The following NOTCH1 variants were observed in gnomAD, a reference collection of about 807,000 sequenced individuals.
The protein encoded by NOTCH1 is notch receptor 1.
A neutral mutation model predicts 254.8 loss-of-function variants in NOTCH1; 37 were observed. The observed-to-expected ratio is 0.15, with a 90% CI of 0.11 to 0.19. The LOEUF is 0.19. Ranked by LOEUF, NOTCH1 falls within the 10% of genes least tolerant of loss-of-function variation. The pLI, the probability that NOTCH1 is intolerant of heterozygous loss-of-function variation, is 1.00. For synonymous variants in NOTCH1, 1,731 were observed against 1,618.1 expected (o/e 1.07, Z -1.68); for missense variants, 2,972 against 3,708.6 (o/e 0.80, Z 5.16).
At position 136,497,021 on chromosome 9, in the gene NOTCH1, T is replaced by G; in HGVS notation, c.6718A>C (p.Thr2240Pro). 1 of 1,609,442 alleles carries G rather than the reference T, an allele frequency of 6.2e-7. No individual in the cohort carries two copies. Residue 2240 changes from threonine (T) to proline (P), a missense_variant, in exon 34 of 34, where the codon ACC becomes CCC. Thr to Pro is a conservative substitution (Grantham distance 38, BLOSUM62 -1). Around this residue, in one of 8 missense-constraint regions of NOTCH1, gnomAD observed 529 missense variants for 529.2 expected, o/e 1.00. Transcript: ENST00000651671. ...PLNHLPGMPD[T>P]HLGIGHLNVA... is the part of the protein sequence containing the mutation. ...TTCAGGTGCCCGATGCCCAGGTGGG[T>G]GTCGGGCATCCCAGGCAGGTGGTTG...
rs1247959564 is a variant in NOTCH1, at chr9:136,495,576, G to A, written c.*495C>T. 2.5e-6 allele frequency: 1 copy of A among 400,308 alleles called. No individual in the cohort carries two copies. The highest frequency in any genetic ancestry group is 4.4e-6 in the Non-Finnish European group (1 of 227,186). The allele number at this position is 400,308 out of a possible 1,614,324, so 24.8% of individuals were successfully genotyped here. ...CTCCTAACAGGCAGGTGATGCTGGT[G>A]GAGCGGCCGGGCTGGCTTGGGGTTG... is the stretch of plus-strand genomic sequence containing the variant. On this transcript the variant is annotated 3_prime_UTR_variant, in exon 34 of 34. Transcript: ENST00000651671.
rs1842917839 is a variant in NOTCH1, at chr9:136,496,541, C to T, written c.7198G>A (p.Ala2400Thr). ...AGGCTTTGCTGCTGCTGGATGTTTGCTGGCTGCAGGTTCTGCTGCTGCATC... is the reference window on the plus strand; with the variant it reads ...AGGCTTTGCTGCTGCTGGATGTTTGTTGGCTGCAGGTTCTGCTGCTGCATC... ...LQMQQQNLQPANIQQQQSLQP... is the reference protein window; with the variant it reads ...LQMQQQNLQPTNIQQQQSLQP... The change falls in exon 34 of 34, where the codon GCA (alanine) becomes ACA (threonine). Residue 2400 changes from alanine to threonine, a missense_variant. Physicochemically the swap from Ala to Thr is moderately conservative, Grantham distance 58 (BLOSUM62 0). Coordinates refer to ENST00000651671, the MANE Select transcript of NOTCH1 (RefSeq NM_017617.5). 1.9e-6 allele frequency: 3 copies of T among 1,608,356 alleles called. No individual in the cohort carries two copies. The highest frequency in any genetic ancestry group is 2.2e-5 in the East Asian group (1 of 44,870).
rs61751547 is a variant in NOTCH1, at chr9:136,510,669, G to C, written c.2724C>G (p.Ile908Met). Residue 908 changes from isoleucine (I) to methionine (M), a missense_variant, in exon 17 of 34, where the codon ATC becomes ATG. Around this residue, in one of 8 missense-constraint regions of NOTCH1, gnomAD observed 1,343 missense variants for 1,557.0 expected, o/e 0.86. Coordinates refer to ENST00000651671, the MANE Select transcript of NOTCH1 (RefSeq NM_017617.5). ...GYSGRNCETD[I>M]DDCRPNPCHN... ...GCTACTCACTGGGCCGGCAGTCGTC[G>C]ATGTCGGTCTCGCAGTTGCGCCCAC... 6.2e-7 allele frequency: 1 copy of C among 1,607,952 alleles called. No individual in the cohort carries two copies. Among genetic ancestry groups the C allele is most frequent in the African/African-American group, 1.3e-5 (1 of 75,052 alleles).
intron 2 of NOTCH1, among the ~76,000 whole-genome samples, chr9:136,535,248 C>T (rs989572443): frequency 1.3e-5 from 2 of 151,894 alleles, no homozygotes; most frequent in African/African-American, 4.8e-5. Context: ...GGGCCAGGCC[C>T]CCAGGGTTCA....
intron 4 of NOTCH1, 59 bp from the exon 5 acceptor site, chr9:136,519,624 G>A: frequency 6.2e-7 from 1 of 1,610,820 alleles, no homozygotes. Context: ...CTCCTGCCTG[G>A]ACCCCCGACA....
At chr9:136,520,460 G>T (rs1007706973) in intron 4 of NOTCH1, among the ~76,000 whole-genome samples, 1 of 152,170 alleles carries the variant, frequency 6.6e-6, no homozygotes, top group Non-Finnish European at 1.5e-5. Context: ...CAGCCCTGGC[G>T]CGGTGGCTCA....
rs772467278 is a variant in NOTCH1 at position 136,502,263 on chromosome 9, T to C, written c.5384+9A>G. The C allele has an allele frequency of 6.4e-7, 1 of 1,560,578 alleles. No individual in the cohort carries two copies. The highest frequency in any genetic ancestry group is 8.7e-7 in the Non-Finnish European group (1 of 1,148,836). Reference sequence around the variant, plus strand: ...CGGGGACCCAGAAGCAGGGGCGGCGTCCGCTCACTTGAGGCCCACGGAGTC... The same window carrying C: ...CGGGGACCCAGAAGCAGGGGCGGCGCCCGCTCACTTGAGGCCCACGGAGTC... On this transcript the variant is annotated intron_variant, in intron 28 of 33. Coordinates refer to ENST00000651671, the MANE Select transcript of NOTCH1 (RefSeq NM_017617.5).
chr9:136,530,045 G>C (rs1019444769), intron 2 of NOTCH1, among the ~76,000 whole-genome samples: 1 of 152,240 alleles, frequency 6.6e-6, no homozygotes, highest in African/African-American at 2.4e-5. Flanking sequence ...GGGCAGTGGG[G>C]GCTTCAGGGA....
rs1307313338 is a variant in NOTCH1 at position 136,515,386 on chromosome 9, T to A, written c.1918A>T (p.Ile640Phe). ...LKGTTGPNCE[I>F]NLDDCASSPC... is the part of the protein sequence containing the mutation. ...CTGCTGGCACAGTCATCCAGGTTGA[T>A]CTCGCAGTTGGGTCCTGAAGGGGTG... is the stretch of plus-strand genomic sequence containing the variant. The change falls in exon 12 of 34, where the codon ATC becomes TTC. Residue 640 changes from isoleucine to phenylalanine, a missense_variant. Physicochemically the swap from Ile to Phe is conservative, Grantham distance 21. Transcript: ENST00000651671. The A allele has an allele frequency of 6.2e-7, 1 of 1,612,904 alleles. No homozygotes were observed. The highest frequency in any genetic ancestry group is 8.5e-7 in the Non-Finnish European group (1 of 1,179,950).
Position 136,505,859 on chromosome 9 carries a change from T to C in NOTCH1, c.4037A>G (p.Glu1346Gly). 6.3e-7 allele frequency: 1 copy of C among 1,594,174 alleles called. No homozygotes were observed. Among genetic ancestry groups the C allele is most frequent in the Non-Finnish European group, 8.5e-7 (1 of 1,177,904 alleles). Residue 1346 changes from glutamate (E) to glycine (G), a missense_variant, in exon 25 of 34, where the codon GAG becomes GGG. Coordinates refer to ENST00000651671, the MANE Select transcript of NOTCH1 (RefSeq NM_017617.5). ...GCTGCCGCAGGTACGAGCGTCATTCTCACACGTGGCGCCCTCGAAGCCCTG... is the reference window on the plus strand; with the variant it reads ...GCTGCCGCAGGTACGAGCGTCATTCCCACACGTGGCGCCCTCGAAGCCCTG... ...CPAGFEGATC[E>G]NDARTCGSLR...
chr9:136,510,692 C>T lies in NOTCH1; in HGVS notation c.2701G>A (p.Gly901Arg), dbSNP rs2133353056. The T allele has an allele frequency of 6.2e-7, 1 of 1,610,066 alleles. No individual in the cohort carries two copies. The highest frequency in any genetic ancestry group is 1.1e-5 in the South Asian group (1 of 91,046). Reference protein sequence around the residue: ...YRCHCQAGYSGRNCETDIDDC... With the variant: ...YRCHCQAGYSRRNCETDIDDC... ...TCGATGTCGGTCTCGCAGTTGCGCC[C>T]ACTGTAGCCGGCCTGGCAGTGGCAG... Residue 901 changes from glycine to arginine, a missense_variant, in exon 17 of 34, where the codon GGG becomes AGG. This residue lies in a region of NOTCH1 where 1,343 missense variants were observed against 1,557.0 expected (regional missense o/e 0.86). Coordinates refer to ENST00000651671, the MANE Select transcript of NOTCH1 (RefSeq NM_017617.5).
chr9:136,540,567 C>T lies in NOTCH1; in HGVS notation c.140+3457G>A, dbSNP rs1197338115. Among the ~76,000 whole-genome samples, 1 of 152,198 alleles carries T rather than the reference C, an allele frequency of 6.6e-6. No homozygotes were observed. The highest frequency in any genetic ancestry group is 1.9e-4 in the East Asian group (1 of 5,202). ...AAGGAGCGCTGACCAGGTGCCCTCT[C>T]CACACGGTTCTCATGCAATCCTCAC... On this transcript the variant is annotated intron_variant, in intron 2 of 33. Transcript: ENST00000651671. This position sits in a 1 kb window ranked among gnomAD's most constrained non-coding sequence, Gnocchi z 4.4.
intron 18 of NOTCH1, 25 bp from the exon 19 acceptor site, chr9:136,509,096 G>A (rs1227210731): frequency 1.9e-6 from 3 of 1,545,500 alleles, no homozygotes; most frequent in Non-Finnish European, 2.6e-6. Flanking sequence ...GCAGGCGGGG[G>A]CTGAGTGGAG....
chr9:136,499,846 C>T (rs559575126), intron 31 of NOTCH1, among the ~76,000 whole-genome samples: 3 of 152,210 alleles, frequency 2.0e-5, no homozygotes, highest in African/African-American at 7.2e-5. Context: ...CAAACCCGCA[C>T]GGGGCTCCCT....
Position 136,540,163 on chromosome 9 carries a change from G to A in NOTCH1, c.140+3861C>T, listed in dbSNP as rs533905722. ...AGCTATGCCAGGCCACCACCGGGCC[G>A]GCACACCCCCAACATGTCCCACATG... On this transcript the variant is annotated intron_variant, in intron 2 of 33. Transcript: ENST00000651671. This position sits in a 1 kb window ranked among gnomAD's most constrained non-coding sequence, Gnocchi z 4.4. 5.6e-4 allele frequency among the ~76,000 whole-genome samples: 86 copies of A among 152,290 alleles called. No homozygotes were observed. Among genetic ancestry groups the A allele is most frequent in the African/African-American group, 2.0e-3 (83 of 41,556 alleles).
Position 136,505,716 on chromosome 9 carries a change from C to T in NOTCH1, c.4180G>A (p.Gly1394Ser), listed in dbSNP as rs1210347209. Reference sequence around the variant, plus strand: ...GTCCCCTGGTTGTAGCAGGGGTTGCCGCCCAGGCAGGGGCTGCTGGCCGGG... The same window carrying T: ...GTCCCCTGGTTGTAGCAGGGGTTGCTGCCCAGGCAGGGGCTGCTGGCCGGG... ...QFPASSPCLG[G>S]NPCYNQGTCE... Residue 1394 changes from glycine (G) to serine (S), a missense_variant, in exon 25 of 34, where the codon GGC becomes AGC. Gly to Ser is a moderately conservative substitution (Grantham distance 56). This residue lies in a region of NOTCH1 where 1,343 missense variants were observed against 1,557.0 expected (regional missense o/e 0.86). Coordinates refer to ENST00000651671, the MANE Select transcript of NOTCH1 (RefSeq NM_017617.5). 15 of 1,599,640 alleles carry T rather than the reference C, an allele frequency of 9.4e-6. No homozygotes were observed. The highest frequency in any genetic ancestry group is 4.4e-5 in the South Asian group (4 of 90,066).
In NOTCH1 at chr9:136,506,405, GGGTGAGGA is replaced by G. The variant is rs1257499061; in HGVS notation, c.4014+114_4014+121del. The G allele has an allele frequency of 1.4e-6, 1 of 719,346 alleles. No individual in the cohort carries two copies. The highest frequency in any genetic ancestry group is 2.3e-6 in the Non-Finnish European group (1 of 433,898). The allele number at this position is 719,346 out of a possible 1,614,324, so 44.6% of individuals were successfully genotyped here. A position where few individuals can be genotyped will look rare whatever the true frequency, so the allele number is the denominator to read the frequency against. On this transcript the variant is annotated intron_variant, in intron 24 of 33. Transcript: ENST00000651671. The surrounding 1 kb of genome is among the most constrained non-coding windows in gnomAD (Gnocchi z 4.5). ...AACTAAAAAAAAAAAAAAGACATCA[GGGTGAGGA>G]GGAGGATGAAGGCCGGGAGGATCAC...
In NOTCH1 at chr9:136,505,709, G is replaced by T. The variant is rs1245615198; in HGVS notation, c.4187C>A (p.Pro1396His). 1.2e-6 allele frequency: 2 copies of T among 1,603,294 alleles called. No homozygotes were observed. Among genetic ancestry groups the T allele is most frequent in the South Asian group, 1.1e-5 (1 of 90,370 alleles). The stretch of plus-strand genomic sequence containing the variant: ...CTCACAGGTCCCCTGGTTGTAGCAG[G>T]GGTTGCCGCCCAGGCAGGGGCTGCT... Reference protein sequence around the residue: ...PASSPCLGGNPCYNQGTCEPT... With the variant: ...PASSPCLGGNHCYNQGTCEPT... Residue 1396 changes from proline to histidine, a missense_variant, in exon 25 of 34, where the codon CCC (proline) becomes CAC (histidine). Physicochemically the swap from Pro to His is moderately conservative, Grantham distance 77. Transcript: ENST00000651671.
At chr9:136,534,425 G>A (rs146143790) in intron 2 of NOTCH1, among the ~76,000 whole-genome samples, 7 of 152,316 alleles carry the variant, frequency 4.6e-5, no homozygotes, top group Admixed American at 1.3e-4. Context: ...ATTAGAGCAA[G>A]GTCGGGGCGT....
Sources: allele counts gnomAD v4.1 joint callset (sites outside exome capture counted in the v4.1 genomes callset), GRCh38; gene constraint gnomAD v4.1.1; regional missense constraint gnomAD v4.1.1; non-coding constraint Gnocchi (gnomAD v3.1); transcripts MANE v1.5; gene names NCBI Gene and HGNC (gene_info 2026-07-23, HGNC 2026-07-21).